The following ATP1A3 variants were observed in gnomAD, a reference collection of about 807,000 sequenced individuals.
ATP1A3 encodes ATPase Na+/K+ transporting subunit alpha 3, also known as sodium/potassium-transporting ATPase subunit alpha-3.
Under a neutral mutation model 108.8 loss-of-function variants are expected in ATP1A3, and 12 were observed. The observed-to-expected ratio is 0.11, with a 90% confidence interval of 0.07 to 0.18. The LOEUF (loss-of-function observed/expected upper bound fraction) is 0.18, where lower values mean the gene tolerates loss of function less well. ATP1A3 is among the 10% of genes least tolerant of loss of function. The pLI, the probability that ATP1A3 is intolerant of heterozygous loss-of-function variation, is 1.00. For missense variants in ATP1A3, 498 were observed against 1,387.7 expected (o/e 0.36, Z 10.19); for synonymous variants, 539 against 564.5 (o/e 0.95, Z 0.64).
At chr19:41,976,022 A>T (rs868986091) in intron 15 of ATP1A3, among the ~76,000 whole-genome samples, 4 of 147,300 alleles carry the variant, frequency 2.7e-5, no homozygotes, top group African/African-American at 1.0e-4. Context: ...CCAGAGGTCC[A>T]GGCCCCCAGC....
chr19:41,989,599 G>A (rs1599727347), intron 1 of ATP1A3, among the ~76,000 whole-genome samples: 2 of 150,796 alleles, frequency 1.3e-5, no homozygotes, highest in Non-Finnish European at 3.0e-5. Context: ...GATTACAGGC[G>A]TGAGCCACCG....
chr19:41,967,289 G>A lies in ATP1A3; in HGVS notation c.2973C>T (p.Tyr991=), dbSNP rs372919447. 1.2e-5 allele frequency: 20 copies of A among 1,613,400 alleles called. No homozygotes were observed. The highest frequency in any genetic ancestry group is 2.2e-5 in the South Asian group (2 of 91,090). ...GCAGGATGAGTTTGCGGATTTCGTC[G>A]TAGACGAAGATGAGGAAACTGTAGG... The part of the protein sequence containing the change: ...AFPYSFLIFV[Y]DEIRKLILRR... The change falls in exon 22 of 23, where the codon TAC becomes TAT. Residue 991 remains tyrosine, a synonymous_variant. Coordinates refer to ENST00000648268, the MANE Select transcript of ATP1A3 (RefSeq NM_152296.5). The surrounding 1 kb of genome is among the most constrained non-coding windows in gnomAD (Gnocchi z 4.2).
At position 41,981,865 on chromosome 19, in the gene ATP1A3, T is replaced by C. The variant is rs782606669; in HGVS notation, c.1193-34A>G. On this transcript the variant is annotated intron_variant, in intron 9 of 22. Coordinates refer to ENST00000648268, the MANE Select transcript of ATP1A3 (RefSeq NM_152296.5). This position sits in a 1 kb window ranked among gnomAD's most constrained non-coding sequence, Gnocchi z 5.0. ...GGCATGTGTGAGGGCCAGGGACTCC[T>C]GGAGCCAGGCCCCCATGGTCCTCAC... is the stretch of plus-strand genomic sequence containing the variant. The C allele has an allele frequency of 4.3e-6, 7 of 1,614,224 alleles. No individual in the cohort carries two copies. Among genetic ancestry groups the C allele is most frequent in the Non-Finnish European group, 4.2e-6 (5 of 1,180,034 alleles).
intron 14 of ATP1A3, 120 bp from the exon 15 acceptor site, chr19:41,976,686 G>C (rs2075174440): frequency 1.4e-6 from 2 of 1,439,456 alleles, no homozygotes; most frequent in Non-Finnish European, 9.5e-7. Flanking sequence ...AGAGGACCAG[G>C]GGCTGGGGGA....
rs782226026 is a variant in ATP1A3 at position 41,967,021 on chromosome 19, C to G, written c.3014-56G>C. 63 of 1,551,366 alleles carry G rather than the reference C, an allele frequency of 4.1e-5. 1 individual carries two copies. In the South Asian group the frequency reaches 7.1e-4, roughly 18 times the overall value. On this transcript the variant is annotated intron_variant, in intron 22 of 22. Coordinates refer to ENST00000648268, the MANE Select transcript of ATP1A3 (RefSeq NM_152296.5). The surrounding 1 kb of genome is among the most constrained non-coding windows in gnomAD (Gnocchi z 4.2). ...AGAGTAAGAGATGGAGAGAGACAGG[C>G]AAGGCGAGCCGCCCAGCAGAGAGAG...
intron 1 of ATP1A3, among the ~76,000 whole-genome samples, chr19:41,990,386 C>T (rs995899228): frequency 2.1e-5 from 3 of 144,578 alleles, no homozygotes; most frequent in South Asian, 2.3e-4. Context: ...TCAAATCTTC[C>T]GTCCCCCTCC....
rs199854166 is a variant in ATP1A3, at chr19:41,966,701, A to G, written c.*236T>C. ...TGGCTGGGGCGGGAGGAATGGATAG[A>G]GGGGTGAGGAGAGGGAGAGAAACTG... On this transcript the variant is annotated 3_prime_UTR_variant, in exon 23 of 23. Coordinates refer to ENST00000648268, the MANE Select transcript of ATP1A3 (RefSeq NM_152296.5). 3.8e-4 allele frequency: 585 copies of G among 1,531,030 alleles called. 1 individual carries two copies. Among genetic ancestry groups the G allele is most frequent in the Middle Eastern group, 6.8e-4 (4 of 5,904 alleles). 94.8% of individuals were successfully genotyped at this position (1,531,030 alleles called of 1,614,324 possible).
At chr19:41,991,212 C>G (rs931873957) in intron 1 of ATP1A3, among the ~76,000 whole-genome samples, 1 of 152,186 alleles carries the variant, frequency 6.6e-6, no homozygotes, top group Non-Finnish European at 1.5e-5. Flanking sequence ...AGGCTCAGCG[C>G]GGCTCAGCGC....
In ATP1A3 at chr19:41,978,141, C is replaced by T. The variant is rs782300402; in HGVS notation, c.1806+10G>A. On this transcript the variant is annotated intron_variant, in intron 13 of 22. Coordinates refer to ENST00000648268, the MANE Select transcript of ATP1A3 (RefSeq NM_152296.5). The surrounding 1 kb of genome is among the most constrained non-coding windows in gnomAD (Gnocchi z 8.3). ...CTGGCTTTGCCTCCCCCAGCCACCCCAAGCCACACCTTGATGCCTGCGCTG... is the reference window on the plus strand; with the variant it reads ...CTGGCTTTGCCTCCCCCAGCCACCCTAAGCCACACCTTGATGCCTGCGCTG... The T allele has an allele frequency of 5.6e-6, 9 of 1,614,094 alleles. No homozygotes were observed. The highest frequency in any genetic ancestry group is 3.3e-5 in the South Asian group (3 of 91,094).
Position 41,967,141 on chromosome 19 carries a change from G to A in ATP1A3, c.3013+108C>T, listed in dbSNP as rs1555858784. The A allele has an allele frequency of 6.3e-7, 1 of 1,575,576 alleles. No individual in the cohort carries two copies. The highest frequency in any genetic ancestry group is 1.2e-5 in the South Asian group (1 of 86,638). ...GAGAGATGGGAAGAGAGAGAAGAGT[G>A]GGAACCAGGTGGCAGAGCCATCCAG... On this transcript the variant is annotated intron_variant, in intron 22 of 22. Transcript: ENST00000648268. This position sits in a 1 kb window ranked among gnomAD's most constrained non-coding sequence, Gnocchi z 4.2.
chr19:41,970,058 C>T, intron 18 of ATP1A3, 127 bp downstream of exon 18: 1 of 1,481,456 alleles, frequency 6.8e-7, no homozygotes. Context: ...ACAGATAGCT[C>T]ACTGGTTGGT....
chr19:41,986,188 A>T lies in ATP1A3; in HGVS notation c.399T>A (p.Thr133=), dbSNP rs782428386. The T allele has an allele frequency of 3.7e-6, 6 of 1,613,980 alleles. No homozygotes were observed. The South Asian group carries it at 4.4e-5, about 12-fold the overall frequency. ...GIVLAAVVII[T]GCFSYYQEAK... ...CCTCCTGGTAGTAGGAGAAGCAGCCAGTGATGATCACCACGGCCGCCAGCA... is the reference window on the plus strand; with the variant it reads ...CCTCCTGGTAGTAGGAGAAGCAGCCTGTGATGATCACCACGGCCGCCAGCA... The change falls in exon 5 of 23, where the codon ACT becomes ACA. Residue 133 remains threonine (T), a synonymous_variant. Coordinates refer to ENST00000648268, the MANE Select transcript of ATP1A3 (RefSeq NM_152296.5).
At chr19:41,975,950 G>A (rs544243337) in intron 15 of ATP1A3, among the ~76,000 whole-genome samples, 153 bp from the exon 16 acceptor site, 4 of 150,138 alleles carry the variant, frequency 2.7e-5, no homozygotes, top group Non-Finnish European at 4.4e-5. Flanking sequence ...AGGAGTTCAG[G>A]CCTCCAGACC....
chr19:41,975,959 C>T (rs782094669), intron 15 of ATP1A3, among the ~76,000 whole-genome samples, 162 bp from the exon 16 acceptor site: 54 of 151,666 alleles, frequency 3.6e-4, no homozygotes, highest in Non-Finnish European at 3.1e-4. Context: ...GGCCTCCAGA[C>T]CTTCCTCCCT....
chr19:41,994,068 T>C lies in ATP1A3; in HGVS notation c.6+3A>G, dbSNP rs369853936. The C allele has an allele frequency of 1.9e-4, 298 of 1,603,864 alleles. 2 individuals carry two copies. In the Middle Eastern group the frequency reaches 2.2e-3, roughly 12 times the overall value. ...AGCGGCGCCCAGCCGGCTCAGCACC[T>C]ACCCCCATCTTGGCGGCTCCGCGGC... is the stretch of plus-strand genomic sequence containing the variant. On this transcript the variant is annotated splice_donor_region_variant and intron_variant, in intron 1 of 22. Transcript: ENST00000648268.
At chr19:41,986,958 C>T (rs1230009965) in intron 4 of ATP1A3, among the ~76,000 whole-genome samples, 3 of 151,654 alleles carry the variant, frequency 2.0e-5, no homozygotes, top group Admixed American at 2.0e-4. Context: ...GTTACTCAGG[C>T]TACTGGAACT....
Position 41,978,795 on chromosome 19 carries a change from A to T in ATP1A3, c.1441T>A (p.Ser481Thr). The change falls in exon 12 of 23, where the codon TCC (serine) becomes ACC (threonine). Residue 481 changes from serine (S) to threonine (T), a missense_variant. By Grantham distance (58) the Ser-to-Thr change is moderately conservative (BLOSUM62 1). Around this residue, in one of 9 missense-constraint regions of ATP1A3, gnomAD observed 92 missense variants for 168.7 expected, o/e 0.55. Transcript: ENST00000648268. This position sits in a 1 kb window ranked among gnomAD's most constrained non-coding sequence, Gnocchi z 8.3. Reference sequence around the variant, plus strand: ...TTGGGGTCCTCGGTCTCATGGATGGAGAGCTGGGGACCGATCAGAGGGTGG... The same window carrying T: ...TTGGGGTCCTCGGTCTCATGGATGGTGAGCTGGGGACCGATCAGAGGGTGG... The part of the protein sequence containing the change: ...PFNSTNKYQL[S>T]IHETEDPNDN... The T allele has an allele frequency of 6.2e-7, 1 of 1,613,664 alleles. No individual in the cohort carries two copies. Among genetic ancestry groups the T allele is most frequent in the Non-Finnish European group, 8.5e-7 (1 of 1,179,866 alleles).
chr19:41,990,974 A>T (rs1361515414), intron 1 of ATP1A3: 1 of 152,432 alleles, frequency 6.6e-6, no homozygotes, highest in Non-Finnish European at 1.5e-5. Flanking sequence ...AGCGTCCTTA[A>T]CAGAGGCTGG....
intron 1 of ATP1A3, chr19:41,993,594 A>C: frequency 9.8e-7 from 1 of 1,019,404 alleles, no homozygotes; most frequent in Non-Finnish European, 1.4e-6. Flanking sequence ...AAGAGAGGTC[A>C]TCTGGTGTCC....
Sources: allele counts gnomAD v4.1 joint callset (sites outside exome capture counted in the v4.1 genomes callset), GRCh38; gene constraint gnomAD v4.1.1; regional missense constraint gnomAD v4.1.1; non-coding constraint Gnocchi (gnomAD v3.1); transcripts MANE v1.5; gene names NCBI Gene and HGNC (gene_info 2026-07-23, HGNC 2026-07-21).